CEP72: variants seen among roughly 807,000 people sequenced by gnomAD.
The protein encoded by CEP72 is centrosomal protein 72, also known as centrosomal protein of 72 kDa.
In CEP72, 78 loss-of-function variants were observed where a neutral mutation model predicts 65.7. The ratio of observed to expected loss-of-function variants is 1.19; its 90% CI spans 0.99 to 1.43. The LOEUF (loss-of-function observed/expected upper bound fraction) is 1.43. Ranked by LOEUF, CEP72 falls within the 40% of genes most tolerant of loss-of-function variation. The pLI is 0.00. For synonymous variants in CEP72, 358 were observed against 351.7 expected (o/e 1.02, Z -0.20); for missense variants, 914 against 832.9 (o/e 1.10, Z -1.20).
Position 664,792 on chromosome 5 carries a change from G to A in CEP72, n.288-388G>A, listed in dbSNP as rs996080470. 3.2e-5 allele frequency: 10 copies of A among 312,194 alleles called. No individual in the cohort carries two copies. The Admixed American group carries it at 3.8e-4, about 12-fold the overall frequency. 19.3% of individuals were successfully genotyped at this position (312,194 alleles called of 1,614,324 possible). On this transcript the variant is annotated intron_variant and non_coding_transcript_variant, in intron 2 of 4. Coordinates refer to the CEP72 transcript ENST00000514507. Reference sequence around the variant, plus strand: ...CCATGACAGCCAGCTGCTTTAAAACGCCCCTTTGACCTGCAAACCACGTGC... The same window carrying A: ...CCATGACAGCCAGCTGCTTTAAAACACCCCTTTGACCTGCAAACCACGTGC...
rs773786778 is a variant in CEP72, at chr5:624,551, A to AGCGTCCCAGCTTCTTTGAAAGAGG, written c.487_510dup (p.Val163_Gly170dup). On this transcript the variant is annotated inframe_insertion, in exon 4 of 12. Coordinates refer to ENST00000264935, the MANE Select transcript of CEP72 (RefSeq NM_018140.4). This position sits in a 1 kb window ranked among gnomAD's most constrained non-coding sequence, Gnocchi z 4.7. The stretch of plus-strand genomic sequence containing the variant: ...AGAGGACTCACTCGACTCCAAAGAG[A>AGCGTCCCAGCTTCTTTGAAAGAGG]GCGTCCCAGCTTCTTTGAAAGAGGG... 78 of 1,613,118 alleles carry AGCGTCCCAGCTTCTTTGAAAGAGG rather than the reference A, an allele frequency of 4.8e-5. No homozygotes were observed. Among genetic ancestry groups the AGCGTCCCAGCTTCTTTGAAAGAGG allele is most frequent in the Non-Finnish European group, 6.3e-5 (74 of 1,179,190 alleles).
chr5:649,856 G>C lies in CEP72; in HGVS notation c.1778+1940G>C, dbSNP rs1234537228. Among the ~76,000 whole-genome samples, 10 of 90,804 alleles carry C rather than the reference G, an allele frequency of 1.1e-4. 1 individual carries two copies. Among genetic ancestry groups the C allele is most frequent in the Admixed American group, 2.4e-4 (2 of 8,472 alleles). The allele number at this position is 90,804 out of a possible 152,430, so 59.6% of individuals were successfully genotyped here. Reference sequence around the variant, plus strand: ...AGGCGTGACTGTGAGGCGTGACTGTGAGGCGTGACTGAGGTGTGGACTGTG... The same window carrying C: ...AGGCGTGACTGTGAGGCGTGACTGTCAGGCGTGACTGAGGTGTGGACTGTG... On this transcript the variant is annotated intron_variant, in intron 11 of 11. Transcript: ENST00000264935.
chr5:643,007 T>G, intron 9 of CEP72: 1 of 985,488 alleles, frequency 1.0e-6, no homozygotes, highest in Non-Finnish European at 1.2e-6. Context: ...GCGCCCAGCT[T>G]GGGTGCAGTC....
chr5:652,972 C>T lies in CEP72; in HGVS notation c.1779-16C>T. The stretch of plus-strand genomic sequence containing the variant: ...GGACGGAAGTGCCAAGCAGCCGCTT[C>T]CCTGTTGTTCTGCAGCTCCCTGGTC... On this transcript the variant is annotated splice_polypyrimidine_tract_variant and intron_variant, in intron 11 of 11. Transcript: ENST00000264935. The T allele has an allele frequency of 6.3e-7, 1 of 1,592,138 alleles. No individual in the cohort carries two copies. The highest frequency in any genetic ancestry group is 2.3e-5 in the East Asian group (1 of 44,444).
At chr5:649,070 T>TGTGAGGTGTGACC in intron 11 of CEP72, among the ~76,000 whole-genome samples, 1 of 142,110 alleles carries the variant, frequency 7.0e-6, no homozygotes, top group African/African-American at 2.9e-5. Context: ...AGGTGTGGAC[T>TGTGAGGTGTGACC]GTGAGGTGTG....
chr5:639,250 G>T, intron 8 of CEP72, 26 bp downstream of exon 8: 1 of 1,536,032 alleles, frequency 6.5e-7, no homozygotes, highest in Non-Finnish European at 8.8e-7. Flanking sequence ...CACTGCTCTT[G>T]CCCTGTAGGC....
chr5:660,323 G>A (rs1220929437), downstream of CEP72: 1 of 152,068 alleles, frequency 6.6e-6, no homozygotes, highest in East Asian at 1.9e-4. Flanking sequence ...TTTCCTTTGT[G>A]GTTTGGCTTG....
intron 9 of CEP72, chr5:642,572 A>G (rs1738128864): frequency 1.0e-6 from 1 of 985,484 alleles, no homozygotes; most frequent in South Asian, 4.7e-5. Flanking sequence ...CAGTGCTGCC[A>G]GGGGTGAGAG....
chr5:625,265 C>T lies in CEP72; in HGVS notation c.512+686C>T, dbSNP rs1044876104. Among the ~76,000 whole-genome samples, 36 of 152,234 alleles carry T rather than the reference C, an allele frequency of 2.4e-4. 1 individual carries two copies. The highest frequency in any genetic ancestry group is 8.2e-4 in the African/African-American group (34 of 41,448). On this transcript the variant is annotated intron_variant, in intron 4 of 11. Transcript: ENST00000264935. The stretch of plus-strand genomic sequence containing the variant: ...AATCAGTGGACTCTGTCTGCATAGC[C>T]GTGGAAAGTGGTCGGATTGTACACT...
rs1470208760 is a variant in CEP72 at position 645,895 on chromosome 5, G to A, written c.1666+1470G>A. On this transcript the variant is annotated intron_variant, in intron 10 of 11. Coordinates refer to ENST00000264935, the MANE Select transcript of CEP72 (RefSeq NM_018140.4). The surrounding 1 kb of genome is among the most constrained non-coding windows in gnomAD (Gnocchi z 4.0). ...TGTGAGCGTCACTCCTGCTCCCGTC[G>A]GCGGCCTGTGTGGACGGTGAATTCG... is the stretch of plus-strand genomic sequence containing the variant. 2.0e-5 allele frequency among the ~76,000 whole-genome samples: 3 copies of A among 152,170 alleles called. No individual in the cohort carries two copies. The highest frequency in any genetic ancestry group is 2.9e-5 in the Non-Finnish European group (2 of 68,038).
downstream of CEP72, among the ~76,000 whole-genome samples, chr5:658,826 G>A (rs1044384565): frequency 1.1e-4 from 16 of 151,676 alleles, no homozygotes; most frequent in African/African-American, 3.9e-4. Flanking sequence ...CCGCCACCAC[G>A]CCTGGCTAAT....
rs113438831 is a variant in CEP72 at position 647,889 on chromosome 5, T to C, written c.1751T>C (p.Leu584Pro). The change falls in exon 11 of 12, where the codon CTC becomes CCC. Residue 584 changes from leucine to proline, a missense_variant. Leu to Pro is a moderately conservative substitution (Grantham distance 98). Coordinates refer to ENST00000264935, the MANE Select transcript of CEP72 (RefSeq NM_018140.4). ...GAGCACTACGACAAGATCCAGGAGC[T>C]CACGCAGATGCTGCAGGAGAGCCAC... ...HLEHYDKIQELTQMLQESHSS... is the reference protein window; with the variant it reads ...HLEHYDKIQEPTQMLQESHSS... The C allele has an allele frequency of 1.9e-6, 3 of 1,612,244 alleles. No homozygotes were observed. The highest frequency in any genetic ancestry group is 2.2e-5 in the East Asian group (1 of 44,868).
intron 11 of CEP72, among the ~76,000 whole-genome samples, chr5:648,797 T>C (rs1201252642): frequency 2.1e-5 from 2 of 93,322 alleles, no homozygotes; most frequent in Non-Finnish European, 2.5e-5. Flanking sequence ...GGTGTGACTG[T>C]GAGGCGTGGA....
chr5:665,416 C>T, intron 3 of CEP72: 2 of 907,318 alleles, frequency 2.2e-6, no homozygotes, highest in South Asian at 3.4e-5. Context: ...GGGGCATAAA[C>T]CCTGGGATTT....
At chr5:644,207 C>A in intron 9 of CEP72, 92 bp from the exon 10 acceptor site, 1 of 1,408,118 alleles carries the variant, frequency 7.1e-7, no homozygotes. Flanking sequence ...GCAGAAGGAA[C>A]CCTCTGGGGA....
At chr5:628,371 A>G (rs1413076298) in intron 4 of CEP72, among the ~76,000 whole-genome samples, 1 of 152,050 alleles carries the variant, frequency 6.6e-6, no homozygotes, top group Admixed American at 6.5e-5. Context: ...TCCTGGCCCC[A>G]GGACCCAGCC....
intron 4 of CEP72, among the ~76,000 whole-genome samples, chr5:625,511 G>A (rs565103760): frequency 6.6e-6 from 1 of 152,182 alleles, no homozygotes; most frequent in Admixed American, 6.5e-5. Context: ...AGGATGGTGT[G>A]CCCGTAAGAT....
At chr5:618,813 G>A (rs1279449623) in intron 1 of CEP72, among the ~76,000 whole-genome samples, 177 bp from the exon 2 acceptor site, 2 of 152,126 alleles carry the variant, frequency 1.3e-5, no homozygotes, top group Non-Finnish European at 2.9e-5. Flanking sequence ...GCACTAAACT[G>A]GACTTTACAA....
At position 620,193 on chromosome 5, in the gene CEP72, C is replaced by A. The variant is rs1175674435; in HGVS notation, c.335C>A (p.Pro112His). ...GTGGATGTGGACTTCCGGCTGAACC[C>A]CGTGGTGAAGGTTGAGCCTGACTAC... Reference protein sequence around the residue: ...ELVDVDFRLNPVVKVEPDYRL... With the variant: ...ELVDVDFRLNHVVKVEPDYRL... The change falls in exon 3 of 12, where the codon CCC becomes CAC. Residue 112 changes from proline (P) to histidine (H), a missense_variant. Physicochemically the swap from Pro to His is moderately conservative, Grantham distance 77. Coordinates refer to ENST00000264935, the MANE Select transcript of CEP72 (RefSeq NM_018140.4). 6.2e-7 allele frequency: 1 copy of A among 1,614,198 alleles called. No individual in the cohort carries two copies. Among genetic ancestry groups the A allele is most frequent in the East Asian group, 2.2e-5 (1 of 44,880 alleles).
Sources: gnomAD v4.1 joint callset for allele counts (sites outside exome capture counted in the v4.1 genomes callset) on GRCh38, gnomAD v4.1.1 for gene constraint, Gnocchi (gnomAD v3.1) non-coding constraint, MANE v1.5 for transcripts, NCBI Gene and HGNC (gene_info 2026-07-23, HGNC 2026-07-21) for gene names.